Variants in CAMK4 observed in about 807,000 individuals in gnomAD.
CAMK4 encodes the protein calcium/calmodulin dependent protein kinase IV.
In CAMK4, 22 loss-of-function variants were observed where a neutral mutation model predicts 44.9. That is an observed-to-expected ratio of 0.49 (90% CI 0.35 to 0.70). The LOEUF is 0.70. Among genes scored for constraint, CAMK4 ranks in the 30% least tolerant of loss-of-function variants. CAMK4 has a pLI of 0.01. For synonymous variants in CAMK4, 218 were observed against 215.4 expected (o/e 1.01, Z -0.11); for missense variants, 498 against 586.8 (o/e 0.85, Z 1.56).
chr5:111,444,961 A>G (rs1339427577), intron 5 of CAMK4, among the ~76,000 whole-genome samples: 2 of 152,250 alleles, frequency 1.3e-5, no homozygotes, highest in Non-Finnish European at 2.9e-5. Context: ...CAGATTTAGC[A>G]AAGATATTAA....
Position 111,482,941 on chromosome 5 carries a change from A to G in CAMK4, c.981+4A>G. ...CAATGCCCGGCGTAAGCTTAAGGTA[A>G]GATAGCATATATTTTGTTTTGTTTT... is the stretch of plus-strand genomic sequence containing the variant. On this transcript the variant is annotated splice_donor_region_variant and intron_variant, in intron 10 of 10. Coordinates refer to ENST00000282356, the MANE Select transcript of CAMK4 (RefSeq NM_001744.6). The surrounding 1 kb of genome is among the most constrained non-coding windows in gnomAD (Gnocchi z 4.9). 1.3e-6 allele frequency: 2 copies of G among 1,592,472 alleles called. No individual in the cohort carries two copies. The highest frequency in any genetic ancestry group is 1.7e-6 in the Non-Finnish European group (2 of 1,173,546).
At chr5:111,470,531 A>G (rs1442816637) in intron 7 of CAMK4, among the ~76,000 whole-genome samples, 1 of 152,214 alleles carries the variant, frequency 6.6e-6, no homozygotes, top group Non-Finnish European at 1.5e-5. Flanking sequence ...TTATATCTCA[A>G]CATAAACTGC....
At chr5:111,410,125 GTACCAATT>G (rs1488661472) in intron 5 of CAMK4, among the ~76,000 whole-genome samples, 1 of 152,058 alleles carries the variant, frequency 6.6e-6, no homozygotes, top group Non-Finnish European at 1.5e-5. Context: ...CTTCTACCTG[GTACCAATT>G]TACTGTATTA....
intron 1 of CAMK4, among the ~76,000 whole-genome samples, chr5:111,338,041 G>C (rs977511592): frequency 1.1e-4 from 16 of 151,108 alleles, no homozygotes; most frequent in African/African-American, 3.9e-4. Flanking sequence ...ATGATGCTGT[G>C]GATCTTTGCA....
At position 111,290,852 on chromosome 5, in the gene CAMK4, A is replaced by C. The variant is rs559464657; in HGVS notation, c.162-53172A>C. Among the ~76,000 whole-genome samples the C allele has an allele frequency of 6.6e-6, 1 of 152,238 alleles. No individual in the cohort carries two copies. The highest frequency in any genetic ancestry group is 2.4e-5 in the African/African-American group (1 of 41,472). On this transcript the variant is annotated intron_variant, in intron 1 of 10. Transcript: ENST00000282356. This position sits in a 1 kb window ranked among gnomAD's most constrained non-coding sequence, Gnocchi z 4.5. ...CTCTTGGAGGTTTATTTAAAAGTGA[A>C]TATGTAAAACGTATGGAACCACATA... is the stretch of plus-strand genomic sequence containing the variant.
At chr5:111,466,923 C>T (rs1466371978) in intron 7 of CAMK4, among the ~76,000 whole-genome samples, 2 of 152,194 alleles carry the variant, frequency 1.3e-5, no homozygotes, top group Non-Finnish European at 2.9e-5. Flanking sequence ...CTGGAGGCAT[C>T]ACATTATCTG....
chr5:111,357,426 C>G (rs1003812370), intron 2 of CAMK4, among the ~76,000 whole-genome samples: 1 of 152,046 alleles, frequency 6.6e-6, no homozygotes, highest in East Asian at 1.9e-4. Flanking sequence ...GGATTCATAC[C>G]TTAGTGAGAA....
intron 1 of CAMK4, among the ~76,000 whole-genome samples, chr5:111,228,584 C>T (rs1446475249): frequency 6.8e-6 from 1 of 146,076 alleles, no homozygotes; most frequent in Non-Finnish European, 1.5e-5. Context: ...AGTGTTTATT[C>T]TTATTACCAG....
intron 7 of CAMK4, among the ~76,000 whole-genome samples, chr5:111,452,593 C>G (rs762951883): frequency 6.6e-6 from 1 of 152,206 alleles, no homozygotes; most frequent in Non-Finnish European, 1.5e-5. Flanking sequence ...CATGTTCAAT[C>G]TATTCTTAAA....
chr5:111,252,208 C>A (rs1190477119), intron 1 of CAMK4, among the ~76,000 whole-genome samples: 1 of 152,150 alleles, frequency 6.6e-6, no homozygotes, highest in Non-Finnish European at 1.5e-5. Context: ...GTATTTTAAA[C>A]CTCGTCAGAG....
intron 5 of CAMK4, among the ~76,000 whole-genome samples, chr5:111,400,133 G>GT (rs5870449): frequency 0.54 from 81,359 of 150,822 alleles, 22,631 homozygotes; most frequent in African/African-American, 0.69. Flanking sequence ...TTGAGGGTTT[G>GT]TTTTTTTTTG....
At chr5:111,267,010 T>C (rs573982308) in intron 1 of CAMK4, among the ~76,000 whole-genome samples, 2 of 152,288 alleles carry the variant, frequency 1.3e-5, no homozygotes, top group East Asian at 3.9e-4. Context: ...GTCTAGGTCC[T>C]CTTCTCTTCT....
rs1406932683 is a variant in CAMK4, at chr5:111,482,869, G to C, written c.913G>C (p.Ala305Pro). ...GCATCCGTGGGTCACAGGTAAAGCA[G>C]CCAATTTTGTACACATGGATACCGC... The part of the protein sequence containing the change: ...LQHPWVTGKA[A>P]NFVHMDTAQK... The change falls in exon 10 of 11, where the codon GCC (alanine) becomes CCC (proline). Residue 305 changes from alanine to proline, a missense_variant. Transcript: ENST00000282356. This position sits in a 1 kb window ranked among gnomAD's most constrained non-coding sequence, Gnocchi z 4.9. 12 of 1,613,536 alleles carry C rather than the reference G, an allele frequency of 7.4e-6. No homozygotes were observed. Among genetic ancestry groups the C allele is most frequent in the Non-Finnish European group, 1.0e-5 (12 of 1,179,736 alleles).
intron 7 of CAMK4, among the ~76,000 whole-genome samples, chr5:111,461,003 C>A (rs748116416): frequency 1.4e-4 from 21 of 152,102 alleles, no homozygotes; most frequent in Non-Finnish European, 3.1e-4. Flanking sequence ...TCATATAATT[C>A]TTGCGGTAAG....
intron 5 of CAMK4, among the ~76,000 whole-genome samples, chr5:111,430,190 C>T (rs1306966611): frequency 6.6e-6 from 1 of 152,076 alleles, no homozygotes; most frequent in Non-Finnish European, 1.5e-5. Flanking sequence ...TGTGACATGT[C>T]ATATCAACAG....
At chr5:111,475,123 A>G (rs912005502) in intron 8 of CAMK4, among the ~76,000 whole-genome samples, 7 of 152,196 alleles carry the variant, frequency 4.6e-5, no homozygotes, top group African/African-American at 1.7e-4. Context: ...AGATCTTGCC[A>G]CTGCACTCCA....
chr5:111,224,263 G>T (rs1415983225), upstream of CAMK4: 3 of 450,522 alleles, frequency 6.7e-6, no homozygotes, highest in East Asian at 1.4e-4. The surrounding 1 kb of genome is among the most constrained non-coding windows in gnomAD (Gnocchi z 5.7). Flanking sequence ...TCCCTCCAGC[G>T]GGCGGCGACT....
intron 5 of CAMK4, among the ~76,000 whole-genome samples, chr5:111,413,221 A>C (rs1752690474): frequency 6.6e-6 from 1 of 152,154 alleles, no homozygotes; most frequent in Admixed American, 6.5e-5. Flanking sequence ...CCAACTAATA[A>C]ATAAAAATAG....
At chr5:111,301,543 T>A (rs900419146) in intron 1 of CAMK4, among the ~76,000 whole-genome samples, 1 of 152,178 alleles carries the variant, frequency 6.6e-6, no homozygotes, top group Non-Finnish European at 1.5e-5. Context: ...TTATTTTCCT[T>A]TGAAGGGGGA....
Sources: gnomAD v4.1 joint callset for allele counts (sites outside exome capture counted in the v4.1 genomes callset) on GRCh38, gnomAD v4.1.1 for gene constraint, Gnocchi (gnomAD v3.1) non-coding constraint, MANE v1.5 for transcripts, NCBI Gene and HGNC (gene_info 2026-07-23, HGNC 2026-07-21) for gene names.